SARNP: variants seen among roughly 807,000 people sequenced by gnomAD.
SARNP encodes SAP domain-containing ribonucleoprotein.
SARNP carries 5 observed loss-of-function variants against 38.1 expected under a neutral mutation model. That is an observed-to-expected ratio of 0.13 (90% CI 0.07 to 0.28). The LOEUF is 0.28. SARNP is among the 10% of genes least tolerant of loss of function. SARNP has a pLI of 1.00. For synonymous variants in SARNP, 84 were observed against 80.6 expected, an observed-to-expected ratio of 1.04 and a Z score of -0.23; for missense variants, 180 against 243.9, an observed-to-expected ratio of 0.74 and a Z score of 1.75.
chr12:55,773,928 G>T (rs892037828), intron 9 of SARNP, among the ~76,000 whole-genome samples: 1 of 151,992 alleles, frequency 6.6e-6, no homozygotes, highest in East Asian at 1.9e-4. Flanking sequence ...GGCTGGTCCC[G>T]AACTCCTGAC....
At chr12:55,780,960 A>C (rs1879324645) in intron 9 of SARNP, among the ~76,000 whole-genome samples, 1 of 152,260 alleles carries the variant, frequency 6.6e-6, no homozygotes, top group Non-Finnish European at 1.5e-5. Flanking sequence ...CGGAAAGCAC[A>C]ACCACAGATA....
intron 9 of SARNP, among the ~76,000 whole-genome samples, chr12:55,786,202 A>AT (rs1879488671): frequency 6.6e-6 from 1 of 152,238 alleles, no homozygotes; most frequent in Non-Finnish European, 1.5e-5. Flanking sequence ...TGATGGACAA[A>AT]TTCTTTTCAG....
At chr12:55,783,466 T>TCAC (rs1418262424) in intron 9 of SARNP, among the ~76,000 whole-genome samples, 1 of 152,054 alleles carries the variant, frequency 6.6e-6, no homozygotes, top group Non-Finnish European at 1.5e-5. Context: ...CTTTGCCTTG[T>TCAC]CACCTTCCAT....
chr12:55,772,469 T>C (rs1879035275), intron 9 of SARNP, among the ~76,000 whole-genome samples: 1 of 152,162 alleles, frequency 6.6e-6, no homozygotes, highest in South Asian at 2.1e-4. Context: ...AATCAAGCTC[T>C]TTCCCCAACC....
At chr12:55,805,060 G>A (rs1880097759) in intron 1 of SARNP, among the ~76,000 whole-genome samples, 2 of 150,754 alleles carry the variant, frequency 1.3e-5, no homozygotes, top group African/African-American at 2.4e-5. Flanking sequence ...TTAGAAGATC[G>A]AGACCATCCT....
intron 1 of SARNP, among the ~76,000 whole-genome samples, chr12:55,812,816 T>G (rs1276620619): frequency 6.6e-6 from 1 of 152,396 alleles, no homozygotes; most frequent in East Asian, 1.9e-4. Flanking sequence ...AAATCGTTAT[T>G]GAGCACCTAC....
intron 5 of SARNP, among the ~76,000 whole-genome samples, chr12:55,795,520 C>T (rs183213962): frequency 6.6e-5 from 10 of 152,294 alleles, no homozygotes; most frequent in African/African-American, 2.4e-4. Flanking sequence ...TAGCTTGGTT[C>T]CAACACCAAT....
chr12:55,812,743 T>C (rs189839147), intron 1 of SARNP, among the ~76,000 whole-genome samples: 113 of 152,380 alleles, frequency 7.4e-4, no homozygotes, highest in African/African-American at 2.3e-3. Context: ...TTCTACTACA[T>C]CCTAAATGTC....
At chr12:55,783,163 G>A (rs1555172501) in intron 9 of SARNP, among the ~76,000 whole-genome samples, 1 of 151,974 alleles carries the variant, frequency 6.6e-6, no homozygotes, top group Non-Finnish European at 1.5e-5. Context: ...TTCACCAACG[G>A]CACTGACCCA....
chr12:55,767,367 G>A (rs1299715508), intron 9 of SARNP, among the ~76,000 whole-genome samples: 1 of 151,010 alleles, frequency 6.6e-6, no homozygotes, highest in Non-Finnish European at 1.5e-5. Context: ...GCAACATAGT[G>A]AGACCCCATC....
chr12:55,774,268 T>C (rs548653118), intron 9 of SARNP, among the ~76,000 whole-genome samples: 28 of 151,914 alleles, frequency 1.8e-4, no homozygotes, highest in African/African-American at 6.5e-4. Flanking sequence ...TCCCAAAGTG[T>C]TGGGATTACA....
intron 9 of SARNP, among the ~76,000 whole-genome samples, chr12:55,767,803 C>T (rs1463118250): frequency 2.9e-4 from 41 of 140,768 alleles, no homozygotes; most frequent in African/African-American, 3.8e-4. Context: ...GCCGAGATCG[C>T]GCCACTGCAC....
chr12:55,766,196 C>A (rs1878824564), intron 9 of SARNP, among the ~76,000 whole-genome samples: 1 of 152,188 alleles, frequency 6.6e-6, no homozygotes, highest in African/African-American at 2.4e-5. Context: ...TACCCTCTCT[C>A]AAACCCTCAG....
intron 9 of SARNP, among the ~76,000 whole-genome samples, chr12:55,776,201 T>C (rs368067252): frequency 9.2e-5 from 14 of 152,218 alleles, no homozygotes; most frequent in East Asian, 7.7e-4. Flanking sequence ...TCCAAGCACT[T>C]TGAGAGGCAA....
chr12:55,817,694 G>A lies in SARNP; in HGVS notation c.8C>T (p.Thr3Ile), dbSNP rs150649661. ...TAGCTTATGGAGCTCCACCGTCTCGGTCGCCATCTTGTTACCCCTCACTCC... is the reference window on the plus strand; with the variant it reads ...TAGCTTATGGAGCTCCACCGTCTCGATCGCCATCTTGTTACCCCTCACTCC... Reference protein sequence around the residue: MATETVELHKLKL... With the variant: MAIETVELHKLKL... Residue 3 changes from threonine (T) to isoleucine (I), a missense_variant, in exon 1 of 11, where the codon ACC becomes ATC. Physicochemically the swap from Thr to Ile is moderately conservative, Grantham distance 89 (BLOSUM62 -1). Around this residue, in one of 2 missense-constraint regions of SARNP, gnomAD observed 161 missense variants for 194.1 expected, o/e 0.83. Transcript: ENST00000336133. 1.9e-6 allele frequency: 3 copies of A among 1,613,032 alleles called. No homozygotes were observed. The highest frequency in any genetic ancestry group is 2.7e-5 in the African/African-American group (2 of 74,872).
chr12:55,797,750 T>A (rs1415568147), intron 4 of SARNP, among the ~76,000 whole-genome samples: 1 of 152,160 alleles, frequency 6.6e-6, no homozygotes, highest in African/African-American at 2.4e-5. Context: ...CTGGGATGCA[T>A]GGGAAATTTC....
At chr12:55,764,463 G>A (rs1297883923) in intron 9 of SARNP, among the ~76,000 whole-genome samples, 1 of 151,338 alleles carries the variant, frequency 6.6e-6, no homozygotes, top group African/African-American at 2.4e-5. Context: ...CCCGGGAGGT[G>A]GAGGTTGCGG....
chr12:55,763,245 G>A (rs1878729143), intron 9 of SARNP, among the ~76,000 whole-genome samples: 1 of 151,546 alleles, frequency 6.6e-6, no homozygotes. Context: ...ATGAACATCT[G>A]AGTGCTTAGT....
In SARNP at chr12:55,817,709, C is replaced by T. The variant is rs1195419688; in HGVS notation, c.-8G>A. On this transcript the variant is annotated 5_prime_UTR_variant, in exon 1 of 11. Coordinates refer to ENST00000336133, the MANE Select transcript of SARNP (RefSeq NM_033082.4). ...CACCGTCTCGGTCGCCATCTTGTTA[C>T]CCCTCACTCCACTAGGCCCCCACCC... is the stretch of plus-strand genomic sequence containing the variant. 1 of 1,612,622 alleles carries T rather than the reference C, an allele frequency of 6.2e-7. No homozygotes were observed. Among genetic ancestry groups the T allele is most frequent in the African/African-American group, 1.3e-5 (1 of 74,842 alleles).
Sources: gnomAD v4.1 joint callset for allele counts (sites outside exome capture counted in the v4.1 genomes callset) on GRCh38, gnomAD v4.1.1 for gene constraint, gnomAD v4.1.1 regional missense constraint, MANE v1.5 for transcripts, NCBI Gene and HGNC (gene_info 2026-07-23, HGNC 2026-07-21) for gene names.